The following SLC15A1 variants were observed in gnomAD, a reference collection of about 807,000 sequenced individuals.
SLC15A1 encodes the protein solute carrier family 15 member 1.
Under a neutral mutation model 92.9 loss-of-function variants are expected in SLC15A1, and 83 were observed. The ratio of observed to expected loss-of-function variants is 0.89; its 90% CI spans 0.75 to 1.07. The LOEUF (loss-of-function observed/expected upper bound fraction) is 1.07. Among genes scored for constraint, SLC15A1 ranks in the 50% least tolerant of loss-of-function variants. The pLI is 0.00. For synonymous variants in SLC15A1, 322 were observed against 318.2 expected (o/e 1.01, Z -0.13); for missense variants, 857 against 880.1 (o/e 0.97, Z 0.33).
chr13:98,686,147 A>G (rs1465471339), intron 22 of SLC15A1, 43 bp downstream of exon 22: 3 of 1,415,092 alleles, frequency 2.1e-6, no homozygotes, highest in South Asian at 2.4e-5. Context: ...GACCATGAAC[A>G]GGAAAGACAG....
At chr13:98,740,273 G>A (rs956910446) in intron 1 of SLC15A1, among the ~76,000 whole-genome samples, 1 of 152,144 alleles carries the variant, frequency 6.6e-6, no homozygotes, top group Non-Finnish European at 1.5e-5. Context: ...TGCTAGGCAC[G>A]GCCCCTGTCC....
At chr13:98,696,284 T>C (rs1593982282) in intron 18 of SLC15A1, among the ~76,000 whole-genome samples, 1 of 151,478 alleles carries the variant, frequency 6.6e-6, no homozygotes, top group East Asian at 1.9e-4. Flanking sequence ...CGTGGTGGCA[T>C]GTGCCTGTAA....
chr13:98,709,745 C>T lies in SLC15A1; in HGVS notation c.975G>A (p.Met325Ile). The T allele has an allele frequency of 6.2e-7, 1 of 1,614,166 alleles. No homozygotes were observed. The highest frequency in any genetic ancestry group is 8.5e-7 in the Non-Finnish European group (1 of 1,180,038). Residue 325 changes from methionine (M) to isoleucine (I), a missense_variant, in exon 13 of 23, where the codon ATG (methionine) becomes ATA (isoleucine). Physicochemically the swap from Met to Ile is conservative, Grantham distance 10 (BLOSUM62 1). Transcript: ENST00000376503. ...IGALEIQPDQ[M>I]QTVNAILIVI... ...AAGCAACTTACATGTCTTCTACCTG[C>T]ATCTGATCGGGCTGAATTTCAAGAG...
chr13:98,718,495 AC>A (rs149173634), intron 8 of SLC15A1, among the ~76,000 whole-genome samples: 1,735 of 151,842 alleles, frequency 0.011, 14 homozygotes, highest in Middle Eastern at 0.068. Flanking sequence ...AATTAAAAAA[AC>A]AAGCAAAACA....
intron 1 of SLC15A1, among the ~76,000 whole-genome samples, chr13:98,750,327 G>A (rs1310185110): frequency 6.6e-6 from 1 of 152,132 alleles, no homozygotes; most frequent in Non-Finnish European, 1.5e-5. Context: ...TGGCCAGGAT[G>A]ATCTTGATCT....
rs1436382030 is a variant in SLC15A1, at chr13:98,719,413, T to A, written c.557-93A>T. On this transcript the variant is annotated intron_variant, in intron 7 of 22. Coordinates refer to ENST00000376503, the MANE Select transcript of SLC15A1 (RefSeq NM_005073.4). ...AGATCCCTCACTGATAATTACGTAT[T>A]GCTTTCACATACTGTTCTAGACATA... 4.6e-6 allele frequency: 4 copies of A among 863,548 alleles called. No homozygotes were observed. The Admixed American group carries it at 5.8e-5, about 13-fold the overall frequency. The allele number at this position is 863,548 out of a possible 1,614,324, so 53.5% of individuals were successfully genotyped here.
intron 18 of SLC15A1, among the ~76,000 whole-genome samples, chr13:98,690,278 C>T (rs1485337632): frequency 6.6e-6 from 1 of 152,188 alleles, no homozygotes; most frequent in Non-Finnish European, 1.5e-5. Flanking sequence ...GAGAAAATGG[C>T]TATGAATTAA....
At chr13:98,693,321 T>C (rs2087997310) in intron 18 of SLC15A1, among the ~76,000 whole-genome samples, 1 of 151,872 alleles carries the variant, frequency 6.6e-6, no homozygotes, top group Non-Finnish European at 1.5e-5. Flanking sequence ...TGGTCTCGAA[T>C]TCCTGGCCTC....
At chr13:98,747,940 G>A (rs1405625153) in intron 1 of SLC15A1, among the ~76,000 whole-genome samples, 1 of 152,156 alleles carries the variant, frequency 6.6e-6, no homozygotes, top group Non-Finnish European at 1.5e-5. Flanking sequence ...ATCTTACTCA[G>A]GACATTTTGT....
chr13:98,688,890 C>A (rs113601002), intron 18 of SLC15A1, among the ~76,000 whole-genome samples: 29 of 152,224 alleles, frequency 1.9e-4, no homozygotes, highest in African/African-American at 7.0e-4. Context: ...AGATACTGAG[C>A]CTCTTCCCTT....
At chr13:98,692,358 T>C (rs1282454088) in intron 18 of SLC15A1, among the ~76,000 whole-genome samples, 2 of 151,882 alleles carry the variant, frequency 1.3e-5, no homozygotes, top group Non-Finnish European at 2.9e-5. Context: ...GGAGTTTTGC[T>C]TTATTGCCCA....
intron 1 of SLC15A1, among the ~76,000 whole-genome samples, chr13:98,749,073 G>A (rs914696526): frequency 6.6e-6 from 1 of 152,226 alleles, no homozygotes; most frequent in African/African-American, 2.4e-5. Context: ...TCCCCCGAAG[G>A]TCATATGCCA....
intron 1 of SLC15A1, among the ~76,000 whole-genome samples, chr13:98,749,552 A>G (rs1044470405): frequency 4.6e-5 from 7 of 152,196 alleles, no homozygotes; most frequent in South Asian, 2.1e-4. Context: ...CCCCAGCCCT[A>G]TGATCCTACG....
chr13:98,718,227 T>TA (rs956294893), intron 8 of SLC15A1, among the ~76,000 whole-genome samples: 1 of 150,348 alleles, frequency 6.7e-6, no homozygotes, highest in Non-Finnish European at 1.5e-5. Context: ...AAGTTATAGA[T>TA]ACGTACATGT....
chr13:98,716,038 T>C, intron 8 of SLC15A1, 78 bp from the exon 9 acceptor site: 1 of 1,190,396 alleles, frequency 8.4e-7, no homozygotes. Flanking sequence ...CGCCTTTATT[T>C]GAATTATAAC....
intron 18 of SLC15A1, among the ~76,000 whole-genome samples, chr13:98,696,496 T>C (rs2088023002): frequency 6.6e-6 from 1 of 151,630 alleles, no homozygotes; most frequent in Non-Finnish European, 1.5e-5. Context: ...GATCCCCCAA[T>C]ATCAATTGCT....
intron 7 of SLC15A1, 123 bp downstream of exon 7, chr13:98,721,372 T>A (rs1188355679): frequency 2.7e-6 from 2 of 747,542 alleles, no homozygotes; most frequent in Non-Finnish European, 4.9e-6. Flanking sequence ...CCAACGTGCA[T>A]CCCAGCATGT....
chr13:98,735,248 T>A (rs2139603963), intron 1 of SLC15A1, among the ~76,000 whole-genome samples: 1 of 152,300 alleles, frequency 6.6e-6, no homozygotes, highest in South Asian at 2.1e-4. Context: ...CACATGACTA[T>A]CTCAATAGAT....
chr13:98,752,490 T>G (rs2088555131), intron 1 of SLC15A1, 105 bp downstream of exon 1: 1 of 1,107,024 alleles, frequency 9.0e-7, no homozygotes, highest in Non-Finnish European at 1.1e-6. Context: ...TCGCCCCGCT[T>G]CCCGCCGCCG....
Sources: allele counts gnomAD v4.1 joint callset (sites outside exome capture counted in the v4.1 genomes callset), GRCh38; gene constraint gnomAD v4.1.1; transcripts MANE v1.5; gene names NCBI Gene and HGNC (gene_info 2026-07-23, HGNC 2026-07-21).